Variants in LARGE1 observed in about 807,000 individuals in gnomAD.
LARGE1 encodes the protein LARGE xylosyl- and glucuronyltransferase 1.
A neutral mutation model predicts 87.6 loss-of-function variants in LARGE1; 43 were observed. That is an observed-to-expected ratio of 0.49 (90% CI 0.38 to 0.63). The LOEUF is 0.63. Ranked by LOEUF, LARGE1 falls within the 30% of genes least tolerant of loss-of-function variation. The pLI, the probability that LARGE1 is intolerant of heterozygous loss-of-function variation, is 0.00. For missense variants in LARGE1, 802 were observed against 1,000.2 expected, an observed-to-expected ratio of 0.80 and a Z score of 2.67; for synonymous variants, 434 against 394.6, an observed-to-expected ratio of 1.10 and a Z score of -1.18.
In LARGE1 at chr22:33,547,596, T is replaced by C. The variant is rs571142983; in HGVS notation, c.787+17252A>G. Reference sequence around the variant, plus strand: ...GGATCATGAGGTCAAGAGTTCAAGATCAGCCTGACCAACATGGTGAAACCC... The same window carrying C: ...GGATCATGAGGTCAAGAGTTCAAGACCAGCCTGACCAACATGGTGAAACCC... On this transcript the variant is annotated intron_variant, in intron 6 of 14. Coordinates refer to ENST00000397394, the MANE Select transcript of LARGE1 (RefSeq NM_133642.5). 2.4e-4 allele frequency among the ~76,000 whole-genome samples: 37 copies of C among 151,600 alleles called. 2 individuals are homozygous for C. In the South Asian group the frequency reaches 2.5e-3, roughly 10 times the overall value.
chr22:33,658,932 G>C (rs1174691105), intron 2 of LARGE1, among the ~76,000 whole-genome samples: 1 of 152,102 alleles, frequency 6.6e-6, no homozygotes, highest in Admixed American at 6.5e-5. Flanking sequence ...TTATAGTATT[G>C]CTCTGACCCT....
intron 6 of LARGE1, among the ~76,000 whole-genome samples, chr22:33,521,541 C>CAT (rs949298547): frequency 6.6e-6 from 1 of 152,170 alleles, no homozygotes; most frequent in Non-Finnish European, 1.5e-5. Context: ...GTGTCATGCT[C>CAT]ATACCATTAC....
chr22:33,350,148 A>G (rs1940224883), intron 9 of LARGE1, among the ~76,000 whole-genome samples: 1 of 152,212 alleles, frequency 6.6e-6, no homozygotes, highest in South Asian at 2.1e-4. Context: ...TCCATGAGAC[A>G]ATTCAGCTGT....
chr22:33,389,514 T>C (rs1375377681), intron 7 of LARGE1, among the ~76,000 whole-genome samples: 1 of 152,154 alleles, frequency 6.6e-6, no homozygotes, highest in African/African-American at 2.4e-5. Context: ...GACAAGGATG[T>C]AGAGCAAGAG....
At chr22:33,548,437 G>A (rs929311187) in intron 6 of LARGE1, among the ~76,000 whole-genome samples, 1 of 151,432 alleles carries the variant, frequency 6.6e-6, no homozygotes, top group Admixed American at 6.6e-5. Context: ...TTCTTGAAAT[G>A]GACTTTTCAC....
chr22:33,341,636 C>G (rs986490843), intron 9 of LARGE1, among the ~76,000 whole-genome samples: 4 of 152,196 alleles, frequency 2.6e-5, no homozygotes, highest in Non-Finnish European at 4.4e-5. Context: ...CACATCCCCA[C>G]GAACTCCCAT....
At chr22:33,545,224 T>C (rs2077323377) in intron 6 of LARGE1, among the ~76,000 whole-genome samples, 1 of 152,040 alleles carries the variant, frequency 6.6e-6, no homozygotes, top group Non-Finnish European at 1.5e-5. Flanking sequence ...CTTTTTTCTT[T>C]TGTACTACAC....
intron 10 of LARGE1, among the ~76,000 whole-genome samples, chr22:33,331,403 TTCTTA>T (rs1408767823): frequency 6.9e-6 from 1 of 144,448 alleles, no homozygotes; most frequent in Non-Finnish European, 1.5e-5. Context: ...TCTCTTTCTC[TTCTTA>T]TCTTTTTTTT....
At chr22:33,458,098 T>C (rs1294367351) in intron 6 of LARGE1, among the ~76,000 whole-genome samples, 1 of 151,862 alleles carries the variant, frequency 6.6e-6, no homozygotes, top group Admixed American at 6.6e-5. Flanking sequence ...TTTAAAAATG[T>C]CTAATTTTTT....
intron 13 of LARGE1, among the ~76,000 whole-genome samples, chr22:33,280,618 G>T (rs994539592): frequency 3.3e-5 from 5 of 152,170 alleles, no homozygotes; most frequent in Non-Finnish European, 7.3e-5. Context: ...TTGCAGAAAG[G>T]CTGGGCAGCA....
chr22:33,780,008 G>A (rs1357052640), intron 1 of LARGE1, among the ~76,000 whole-genome samples: 3 of 141,746 alleles, frequency 2.1e-5, no homozygotes, highest in Non-Finnish European at 3.2e-5. Context: ...TCAAGATCAT[G>A]GTGTGAACAG....
At chr22:33,293,660 C>T (rs1367952336) in intron 12 of LARGE1, among the ~76,000 whole-genome samples, 1 of 152,166 alleles carries the variant, frequency 6.6e-6, no homozygotes, top group Non-Finnish European at 1.5e-5. Context: ...GATCTGTGTA[C>T]CTATGCTCCT....
At chr22:33,524,782 C>CA (rs1201196036) in intron 6 of LARGE1, among the ~76,000 whole-genome samples, 6 of 146,910 alleles carry the variant, frequency 4.1e-5, no homozygotes, top group South Asian at 4.3e-4. Flanking sequence ...CCAAACCAAA[C>CA]AAAAAAAACT....
At chr22:33,528,749 T>C (rs1045381423) in intron 6 of LARGE1, among the ~76,000 whole-genome samples, 5 of 152,148 alleles carry the variant, frequency 3.3e-5, no homozygotes, top group Non-Finnish European at 7.3e-5. Flanking sequence ...TAACGAGGTA[T>C]GTTTGACACT....
intron 11 of LARGE1, among the ~76,000 whole-genome samples, chr22:33,206,412 T>TC (rs1191319675): frequency 1.3e-5 from 2 of 152,154 alleles, no homozygotes; most frequent in African/African-American, 4.8e-5. Flanking sequence ...ACTTTTTTTT[T>TC]CCATTTTGCC....
intron 2 of LARGE1, among the ~76,000 whole-genome samples, chr22:33,662,850 TA>T (rs963265365): frequency 6.6e-6 from 1 of 152,160 alleles, no homozygotes; most frequent in African/African-American, 2.4e-5. Flanking sequence ...AGCTCCATTG[TA>T]AATTAAAAAC....
chr22:33,867,848 T>C (rs2064153650), intron 1 of LARGE1, among the ~76,000 whole-genome samples: 1 of 152,136 alleles, frequency 6.6e-6, no homozygotes, highest in African/African-American at 2.4e-5. Flanking sequence ...ACCTAGCTCA[T>C]GTCCTACCTA....
intron 2 of LARGE1, among the ~76,000 whole-genome samples, chr22:33,752,020 A>C (rs574572198): frequency 4.6e-5 from 7 of 152,124 alleles, no homozygotes; most frequent in African/African-American, 1.7e-4. Context: ...GGCCTCAAGT[A>C]ATCTGCCTGC....
chr22:33,732,060 T>C (rs1021351231), intron 2 of LARGE1, among the ~76,000 whole-genome samples: 1 of 152,090 alleles, frequency 6.6e-6, no homozygotes, highest in African/African-American at 2.4e-5. Context: ...AGTAAATTCA[T>C]GAAACAAAAA....
Sources: gnomAD v4.1 joint callset for allele counts (sites outside exome capture counted in the v4.1 genomes callset) on GRCh38, gnomAD v4.1.1 for gene constraint, MANE v1.5 for transcripts, NCBI Gene and HGNC (gene_info 2026-07-23, HGNC 2026-07-21) for gene names.